Variants in KCNH7 observed in about 807,000 individuals in gnomAD.
KCNH7 encodes voltage-gated inwardly rectifying potassium channel KCNH7.
Under a neutral mutation model 120.8 loss-of-function variants are expected in KCNH7, and 49 were observed. That is an observed-to-expected ratio of 0.41 (90% CI 0.32 to 0.51). The LOEUF is 0.51. KCNH7 is among the 20% of genes least tolerant of loss of function. The pLI, the probability that KCNH7 is intolerant of heterozygous loss-of-function variation, is 0.38. For missense variants in KCNH7, 1,097 were observed against 1,446.6 expected, an observed-to-expected ratio of 0.76 and a Z score of 3.92; for synonymous variants, 547 against 516.1, an observed-to-expected ratio of 1.06 and a Z score of -0.81.
chr2:162,631,676 T>G (rs990083354), intron 2 of KCNH7, among the ~76,000 whole-genome samples: 1 of 151,884 alleles, frequency 6.6e-6, no homozygotes, highest in Non-Finnish European at 1.5e-5. Flanking sequence ...ATCTGAAACA[T>G]CATAGAAAAA....
intron 2 of KCNH7, among the ~76,000 whole-genome samples, chr2:162,624,066 C>G (rs953525536): frequency 2.0e-5 from 3 of 152,150 alleles, no homozygotes; most frequent in Admixed American, 6.5e-5. Flanking sequence ...TGTATACAAA[C>G]TCTATACACT....
chr2:162,467,380 C>T (rs1689344679), intron 6 of KCNH7, among the ~76,000 whole-genome samples: 1 of 152,304 alleles, frequency 6.6e-6, no homozygotes, highest in South Asian at 2.1e-4. Flanking sequence ...TGGAGTAGAT[C>T]CCTCATGAAC....
At chr2:162,497,341 A>G (rs1235270914) in intron 6 of KCNH7, among the ~76,000 whole-genome samples, 2 of 152,160 alleles carry the variant, frequency 1.3e-5, no homozygotes, top group Admixed American at 1.3e-4. Flanking sequence ...ACTGTGCAGC[A>G]TACGACCAAC....
chr2:162,764,907 A>C (rs1035274077), intron 2 of KCNH7, among the ~76,000 whole-genome samples: 4 of 152,194 alleles, frequency 2.6e-5, no homozygotes, highest in Non-Finnish European at 5.9e-5. Context: ...TTGGTTAGCC[A>C]ACATAATTTT....
In KCNH7 at chr2:162,384,746, T is replaced by C; in HGVS notation, c.2904A>G (p.Glu968=). Residue 968 remains glutamate (E), a synonymous_variant, in exon 13 of 16, where the codon GAA becomes GAG. Coordinates refer to ENST00000332142, the MANE Select transcript of KCNH7 (RefSeq NM_033272.4). ...TTCTTCCTGAGGTGGGCACTGTTTC[T>C]TCAAAATCGAGCCCAGATGCTTTCC... ...GIGKASGLDF[E]ETVPTSGRMH... is the part of the protein sequence containing the mutation. 2 of 1,612,746 alleles carry C rather than the reference T, an allele frequency of 1.2e-6. No individual in the cohort carries two copies. The highest frequency in any genetic ancestry group is 1.7e-6 in the Non-Finnish European group (2 of 1,179,020).
chr2:162,681,632 C>T (rs1273145177), intron 2 of KCNH7, among the ~76,000 whole-genome samples: 1 of 151,606 alleles, frequency 6.6e-6, no homozygotes. Context: ...AAAAAAATCA[C>T]CCCATTAATG....
chr2:162,554,690 G>A (rs772102611), intron 2 of KCNH7, among the ~76,000 whole-genome samples: 4 of 151,868 alleles, frequency 2.6e-5, no homozygotes, highest in Admixed American at 1.3e-4. Context: ...TCTTCTTCTG[G>A]GTCACATATC....
intron 2 of KCNH7, among the ~76,000 whole-genome samples, chr2:162,731,743 G>T (rs946140766): frequency 6.6e-5 from 10 of 152,032 alleles, no homozygotes; most frequent in African/African-American, 2.2e-4. Context: ...CATCTGAAAA[G>T]GTTATAACTT....
At chr2:162,513,263 T>TTCCTTCCCTCCTTCCC (rs1164137176) in intron 4 of KCNH7, among the ~76,000 whole-genome samples, 1 of 129,040 alleles carries the variant, frequency 7.7e-6, no homozygotes, top group Admixed American at 1.1e-4. Flanking sequence ...CTTTCCCTCC[T>TTCCTTCCCTCCTTCCC]TCCTTCCCTC....
intron 2 of KCNH7, among the ~76,000 whole-genome samples, chr2:162,713,842 G>A (rs571159316): frequency 6.3e-4 from 96 of 152,060 alleles, no homozygotes; most frequent in African/African-American, 1.9e-3. Context: ...TCTGCCTCCC[G>A]GGTTCAAGTG....
At chr2:162,501,310 C>T (rs1395009188) in intron 6 of KCNH7, among the ~76,000 whole-genome samples, 1 of 151,978 alleles carries the variant, frequency 6.6e-6, no homozygotes, top group Non-Finnish European at 1.5e-5. Flanking sequence ...AAAGAGAGAA[C>T]TTTTATAAAA....
chr2:162,638,209 C>A (rs939476431), intron 2 of KCNH7, among the ~76,000 whole-genome samples: 1 of 152,052 alleles, frequency 6.6e-6, no homozygotes, highest in African/African-American at 2.4e-5. Flanking sequence ...AATGACAAAA[C>A]TCACGAGAAG....
intron 2 of KCNH7, among the ~76,000 whole-genome samples, chr2:162,659,266 T>C (rs1467283207): frequency 6.6e-6 from 1 of 152,186 alleles, no homozygotes; most frequent in Non-Finnish European, 1.5e-5. Flanking sequence ...TGGATTCCAT[T>C]AATTGATTTT....
At chr2:162,373,814 C>G (rs193056724) in intron 14 of KCNH7, 152 bp from the exon 15 acceptor site, 2 of 449,382 alleles carry the variant, frequency 4.5e-6, no homozygotes, top group African/African-American at 4.1e-5. Flanking sequence ...TCTTTCCTGA[C>G]GGATACTTAC....
At chr2:162,544,607 A>C (rs1360922401) in intron 2 of KCNH7, among the ~76,000 whole-genome samples, 1 of 152,138 alleles carries the variant, frequency 6.6e-6, no homozygotes, top group Non-Finnish European at 1.5e-5. Flanking sequence ...GAATTCCATG[A>C]CTTTTAAATC....
At chr2:162,629,624 G>A (rs555105326) in intron 2 of KCNH7, among the ~76,000 whole-genome samples, 175 of 152,188 alleles carry the variant, frequency 1.1e-3, no homozygotes, top group African/African-American at 4.0e-3. Flanking sequence ...AATGGTGATG[G>A]TGCTGGAGTC....
At chr2:162,610,900 T>C (rs1449164518) in intron 2 of KCNH7, among the ~76,000 whole-genome samples, 1 of 152,106 alleles carries the variant, frequency 6.6e-6, no homozygotes, top group African/African-American at 2.4e-5. Flanking sequence ...GAAAGCCAGG[T>C]TCAGAGAAAA....
intron 9 of KCNH7, among the ~76,000 whole-genome samples, chr2:162,401,976 T>C (rs1343181637): frequency 3.3e-5 from 5 of 151,866 alleles, no homozygotes; most frequent in Non-Finnish European, 7.4e-5. Context: ...TCGGTGCTGC[T>C]ACAGGAACTC....
chr2:162,631,449 T>C (rs1343414859), intron 2 of KCNH7, among the ~76,000 whole-genome samples: 1 of 152,104 alleles, frequency 6.6e-6, no homozygotes. Flanking sequence ...CTGAACTGTT[T>C]CTTATCAATG....
Sources: gnomAD v4.1 joint callset for allele counts (sites outside exome capture counted in the v4.1 genomes callset) on GRCh38, gnomAD v4.1.1 for gene constraint, MANE v1.5 for transcripts, NCBI Gene and HGNC (gene_info 2026-07-23, HGNC 2026-07-21) for gene names.